GOLM1: variants seen among roughly 807,000 people sequenced by gnomAD.
GOLM1 encodes the protein golgi membrane protein 1.
GOLM1 carries 31 observed loss-of-function variants against 50.5 expected under a neutral mutation model. That is an observed-to-expected ratio of 0.61 (90% CI 0.46 to 0.83). The LOEUF is 0.83. Among genes scored for constraint, GOLM1 ranks in the 40% least tolerant of loss-of-function variants. The pLI is 0.00. For missense variants in GOLM1, 491 were observed against 501.3 expected (o/e 0.98, Z 0.20); for synonymous variants, 178 against 192.8 (o/e 0.92, Z 0.64).
chr9:86,080,691 C>G (rs767988432), intron 1 of GOLM1, among the ~76,000 whole-genome samples: 1 of 152,126 alleles, frequency 6.6e-6, no homozygotes, highest in African/African-American at 2.4e-5. Context: ...GCCGAATCAT[C>G]TAAAATAAAG....
rs979299003 is a variant in GOLM1, at chr9:86,077,976, A to G, written c.130-385T>C. On this transcript the variant is annotated intron_variant, in intron 2 of 9. Transcript: ENST00000388712. ...TAGCAGATACAATTTCTGAAAACAG[A>G]TTCAGTTCTCCAACTCCAGACAAGC... 6 of 180,242 alleles carry G rather than the reference A, an allele frequency of 3.3e-5. No individual in the cohort carries two copies. In the Admixed American group the frequency reaches 3.3e-4, roughly 10 times the overall value. 11.2% of individuals were successfully genotyped at this position (180,242 alleles called of 1,614,324 possible).
In GOLM1 at chr9:86,040,828, A is replaced by G; in HGVS notation, c.508T>C (p.Cys170Arg). 5 of 1,613,820 alleles carry G rather than the reference A, an allele frequency of 3.1e-6. No homozygotes were observed. Among genetic ancestry groups the G allele is most frequent in the African/African-American group, 1.3e-5 (1 of 74,990 alleles). ...INQMKEVKEQ[C>R]EERIEEVTKK... ...GTGACCTCTTCTATTCGCTCCTCAC[A>G]CTGTTCCTTCACCTCCTTCATCTGA... Residue 170 changes from cysteine (C) to arginine (R), a missense_variant, in exon 6 of 10, where the codon TGT becomes CGT. By Grantham distance (180) the Cys-to-Arg change is radical (BLOSUM62 -3). Coordinates refer to ENST00000388712, the MANE Select transcript of GOLM1 (RefSeq NM_016548.4).
chr9:86,071,508 G>A (rs187202009), intron 3 of GOLM1, among the ~76,000 whole-genome samples: 10 of 151,972 alleles, frequency 6.6e-5, no homozygotes, highest in East Asian at 1.9e-4. Flanking sequence ...GAGAAACCCC[G>A]TCTCTACTAA....
chr9:86,088,572 GTTT>G (rs71505776), intron 1 of GOLM1, among the ~76,000 whole-genome samples: 1,296 of 108,764 alleles, frequency 0.012, 11 homozygotes, highest in Non-Finnish European at 0.014. Context: ...TCCTGGTTTT[GTTT>G]TTTTTTTTTT....
At chr9:86,066,572 C>G (rs1834313045) in intron 3 of GOLM1, among the ~76,000 whole-genome samples, 1 of 152,200 alleles carries the variant, frequency 6.6e-6, no homozygotes, top group Non-Finnish European at 1.5e-5. Context: ...TAAAACATTA[C>G]CTTTGCACCT....
At chr9:86,086,315 GTTT>G (rs200568454) in intron 1 of GOLM1, among the ~76,000 whole-genome samples, 3 of 151,038 alleles carry the variant, frequency 2.0e-5, no homozygotes, top group African/African-American at 7.3e-5. Flanking sequence ...TTTTTGATGG[GTTT>G]TTTTTTCTTG....
intron 2 of GOLM1, among the ~76,000 whole-genome samples, chr9:86,078,529 T>C (rs1834689019): frequency 6.6e-6 from 1 of 151,918 alleles, no homozygotes; most frequent in Admixed American, 6.6e-5. Flanking sequence ...GGATCAGGGG[T>C]AGAAGGATGG....
chr9:86,080,184 A>G (rs1834745035), intron 1 of GOLM1: 1 of 152,204 alleles, frequency 6.6e-6, no homozygotes, highest in Non-Finnish European at 1.5e-5. Context: ...TGCATTGTAC[A>G]CCTCATGTTA....
chr9:86,050,971 G>C (rs970050867), intron 4 of GOLM1, among the ~76,000 whole-genome samples: 2 of 152,116 alleles, frequency 1.3e-5, no homozygotes, highest in African/African-American at 4.8e-5. Flanking sequence ...GTCAATTTTA[G>C]ATCTTTCCTG....
At position 86,026,499 on chromosome 9, in the gene GOLM1, A is replaced by G; in HGVS notation, c.*1318T>C. 1 of 895,130 alleles carries G rather than the reference A, an allele frequency of 1.1e-6. No homozygotes were observed. Among genetic ancestry groups the G allele is most frequent in the Non-Finnish European group, 1.3e-6 (1 of 747,638 alleles). 55.4% of individuals were successfully genotyped at this position (895,130 alleles called of 1,614,324 possible). On this transcript the variant is annotated 3_prime_UTR_variant, in exon 10 of 10. Transcript: ENST00000388712. ...GGCCAGGGGTGCCAGCGCACCAGCT[A>G]GATGCTCTGTAACTTCTAGGCCCCA... is the stretch of plus-strand genomic sequence containing the variant.
chr9:86,086,268 T>C (rs1834959180), intron 1 of GOLM1, among the ~76,000 whole-genome samples: 1 of 152,246 alleles, frequency 6.6e-6, no homozygotes, highest in Non-Finnish European at 1.5e-5. Flanking sequence ...CATAAATGTC[T>C]TCTTTTGAGA....
At position 86,056,633 on chromosome 9, in the gene GOLM1, G is replaced by A. The variant is rs868098278; in HGVS notation, c.310-4042C>T. 9.9e-5 allele frequency among the ~76,000 whole-genome samples: 15 copies of A among 151,014 alleles called. No individual in the cohort carries two copies. In the Middle Eastern group the frequency reaches 0.014, roughly 139 times the overall value. ...CAATTCCCCTGCCTCAGCCTCCTGA[G>A]TAGCTGGGACTACAGGCGCCCGCCA... On this transcript the variant is annotated intron_variant, in intron 3 of 9. Transcript: ENST00000388712.
chr9:86,054,139 T>C (rs1432623210), intron 3 of GOLM1, among the ~76,000 whole-genome samples: 2 of 152,030 alleles, frequency 1.3e-5, no homozygotes, highest in African/African-American at 4.8e-5. Flanking sequence ...AGAATCCAGA[T>C]AACAACGACA....
rs532358487 is a variant in GOLM1 at position 86,046,365 on chromosome 9, G to A, written c.467+105C>T. On this transcript the variant is annotated intron_variant, in intron 5 of 9. Transcript: ENST00000388712. ...CCGTGCCTTTCTCAGAGTCCCGCAC[G>A]GAGCAGAAGGTGCATGCTCTATCGG... 217 of 718,586 alleles carry A rather than the reference G, an allele frequency of 3.0e-4. 2 individuals are homozygous for A. The highest frequency in any genetic ancestry group is 2.3e-3 in the South Asian group (149 of 64,058). 44.5% of individuals were successfully genotyped at this position (718,586 alleles called of 1,614,324 possible). A position where few individuals can be genotyped will look rare whatever the true frequency, so the allele number is the denominator to read the frequency against.
chr9:86,052,349 T>A (rs1230705238), intron 4 of GOLM1, among the ~76,000 whole-genome samples, 188 bp downstream of exon 4: 2 of 151,716 alleles, frequency 1.3e-5, no homozygotes, highest in Non-Finnish European at 2.9e-5. Flanking sequence ...TTTGGCAATA[T>A]TTTTTTTTAA....
chr9:86,035,317 G>A (rs1420583517), intron 8 of GOLM1, 51 bp downstream of exon 8: 2 of 1,590,622 alleles, frequency 1.3e-6, no homozygotes, highest in East Asian at 2.2e-5. Context: ...GAGGTGGGCT[G>A]GGTGTCTGGT....
chr9:86,049,672 G>A (rs1365699006), intron 4 of GOLM1, among the ~76,000 whole-genome samples: 1 of 152,118 alleles, frequency 6.6e-6, no homozygotes, highest in Non-Finnish European at 1.5e-5. Flanking sequence ...CTGTTTGTCT[G>A]TTATTGGTGT....
chr9:86,059,221 C>T (rs1046425516), intron 3 of GOLM1, among the ~76,000 whole-genome samples: 2 of 152,112 alleles, frequency 1.3e-5, no homozygotes, highest in Non-Finnish European at 2.9e-5. Flanking sequence ...GAAGACATAT[C>T]CCCACTGGAA....
intron 3 of GOLM1, among the ~76,000 whole-genome samples, chr9:86,054,267 C>CTTT (rs1377924416): frequency 1.4e-5 from 2 of 140,184 alleles, no homozygotes; most frequent in African/African-American, 2.6e-5. Flanking sequence ...CACTCATTGA[C>CTTT]TTTTTTTTTT....
Sources: gnomAD v4.1 joint callset for allele counts (sites outside exome capture counted in the v4.1 genomes callset) on GRCh38, gnomAD v4.1.1 for gene constraint, MANE v1.5 for transcripts, NCBI Gene and HGNC (gene_info 2026-07-23, HGNC 2026-07-21) for gene names.